The following BBX variants were observed in gnomAD, a reference collection of about 807,000 sequenced individuals.
BBX encodes the protein BBX high mobility group box domain containing.
A neutral mutation model predicts 100.2 loss-of-function variants in BBX; 30 were observed. That is an observed-to-expected ratio of 0.30 (90% CI 0.22 to 0.41). BBX has a LOEUF of 0.41. Among genes scored for constraint, BBX ranks in the 10% least tolerant of loss-of-function variants. The pLI, the probability that BBX is intolerant of heterozygous loss-of-function variation, is 1.00. For synonymous variants in BBX, 376 were observed against 388.1 expected (o/e 0.97, Z 0.37); for missense variants, 1,023 against 1,129.8 (o/e 0.91, Z 1.35).
intron 2 of BBX, among the ~76,000 whole-genome samples, chr3:107,542,892 C>T (rs1479585367): frequency 6.6e-6 from 1 of 152,156 alleles, no homozygotes; most frequent in Non-Finnish European, 1.5e-5. Context: ...TTTCTTATGC[C>T]TATGGCAATA....
intron 2 of BBX, among the ~76,000 whole-genome samples, chr3:107,595,234 C>G (rs1438198160): frequency 6.6e-6 from 1 of 152,142 alleles, no homozygotes; most frequent in African/African-American, 2.4e-5. Flanking sequence ...AATCAGTAAC[C>G]TGGGAATAAT....
intron 16 of BBX, among the ~76,000 whole-genome samples, chr3:107,799,829 A>T (rs2070227045): frequency 6.6e-6 from 1 of 152,140 alleles, no homozygotes; most frequent in Non-Finnish European, 1.5e-5. Flanking sequence ...GAATGACCGG[A>T]GGAGCCCAAG....
intron 2 of BBX, among the ~76,000 whole-genome samples, chr3:107,544,725 A>G (rs1559794310): frequency 2.0e-5 from 3 of 150,558 alleles, no homozygotes; most frequent in African/African-American, 7.3e-5. Context: ...AAAAAATTTG[A>G]CTGGGCATGG....
chr3:107,776,715 A>G (rs1390047958), intron 12 of BBX, among the ~76,000 whole-genome samples: 2 of 152,162 alleles, frequency 1.3e-5, no homozygotes, highest in African/African-American at 4.8e-5. Context: ...AACATAAATG[A>G]TTATTATTGT....
chr3:107,703,678 A>T (rs192651832), intron 3 of BBX, among the ~76,000 whole-genome samples: 1 of 152,282 alleles, frequency 6.6e-6, no homozygotes, highest in East Asian at 1.9e-4. Flanking sequence ...TTTTTGCATG[A>T]CTAGTGAGTG....
At chr3:107,574,025 A>G (rs1386512555) in intron 2 of BBX, among the ~76,000 whole-genome samples, 1 of 152,210 alleles carries the variant, frequency 6.6e-6, no homozygotes, top group South Asian at 2.1e-4. Context: ...ACTCCCAGCA[A>G]ATCTTTTTCT....
chr3:107,616,005 CTTTTTTTTTTTTTTTTTTTTTTTT>C (rs59614452), intron 2 of BBX, among the ~76,000 whole-genome samples: 3 of 19,248 alleles, frequency 1.6e-4, no homozygotes, highest in African/African-American at 2.5e-4. Context: ...TACTCACCTG[CTTTTTTTTTTTTTTTTTTTTTTTT>C]TTTTTTTTTT....
intron 2 of BBX, among the ~76,000 whole-genome samples, chr3:107,553,141 A>G (rs1391584769): frequency 6.6e-6 from 1 of 152,226 alleles, no homozygotes; most frequent in East Asian, 1.9e-4. Flanking sequence ...TCCCATTAAA[A>G]TGAGTGTTGA....
chr3:107,687,429 G>C lies in BBX; in HGVS notation c.-9-23023G>C, dbSNP rs574405018. On this transcript the variant is annotated intron_variant, in intron 3 of 17. Transcript: ENST00000325805. The stretch of plus-strand genomic sequence containing the variant: ...TTTCTTGTAGAGAATGGAGAGGGGG[G>C]AATGGAGAACTTATAGACAGAGAAG... Among the ~76,000 whole-genome samples, 27 of 152,014 alleles carry C rather than the reference G, an allele frequency of 1.8e-4. 1 individual carries two copies. The South Asian group carries it at 5.6e-3, about 32-fold the overall frequency.
chr3:107,633,639 G>A (rs185677913), intron 2 of BBX, among the ~76,000 whole-genome samples: 1 of 152,270 alleles, frequency 6.6e-6, no homozygotes, highest in African/African-American at 2.4e-5. Context: ...AGGCCTCAGT[G>A]CCCTGCACAA....
At chr3:107,703,874 A>G (rs891654108) in intron 3 of BBX, among the ~76,000 whole-genome samples, 8 of 152,280 alleles carry the variant, frequency 5.3e-5, no homozygotes, top group African/African-American at 1.2e-4. Flanking sequence ...AGAGATGTGT[A>G]TTTGCTTTTC....
intron 9 of BBX, among the ~76,000 whole-genome samples, chr3:107,753,497 A>AC (rs2065234209): frequency 6.6e-6 from 1 of 152,178 alleles, no homozygotes; most frequent in African/African-American, 2.4e-5. Flanking sequence ...CCCAGAGGCA[A>AC]TAAGGAAAAC....
intron 5 of BBX, among the ~76,000 whole-genome samples, chr3:107,720,610 T>G (rs1333896294): frequency 1.3e-5 from 2 of 151,928 alleles, no homozygotes; most frequent in African/African-American, 4.8e-5. Flanking sequence ...ACTTAAAAGT[T>G]TGGAGGTTCA....
At chr3:107,627,510 TGGAA>T (rs1006911603) in intron 2 of BBX, among the ~76,000 whole-genome samples, 1 of 152,222 alleles carries the variant, frequency 6.6e-6, no homozygotes, top group African/African-American at 2.4e-5. Context: ...TGATAAGTGC[TGGAA>T]GCTACAATTT....
At chr3:107,688,491 G>A (rs2059974604) in intron 3 of BBX, among the ~76,000 whole-genome samples, 2 of 152,176 alleles carry the variant, frequency 1.3e-5, no homozygotes, top group Non-Finnish European at 2.9e-5. Context: ...TAGTTAAGGG[G>A]TTAATAATGG....
chr3:107,726,106 T>C (rs1372525625), intron 5 of BBX, among the ~76,000 whole-genome samples: 1 of 151,976 alleles, frequency 6.6e-6, no homozygotes, highest in East Asian at 1.9e-4. Context: ...TGCTAATAAG[T>C]TCACTCAGCT....
At chr3:107,792,401 C>T (rs1394339264) in intron 15 of BBX, among the ~76,000 whole-genome samples, 1 of 152,060 alleles carries the variant, frequency 6.6e-6, no homozygotes, top group Non-Finnish European at 1.5e-5. Flanking sequence ...CATTCCTTTA[C>T]TGAAAATGAG....
chr3:107,747,327 C>G lies in BBX; in HGVS notation c.751-638C>G, dbSNP rs145393142. Among the ~76,000 whole-genome samples the G allele has an allele frequency of 7.2e-4, 110 of 152,252 alleles. 1 individual carries two copies. Among genetic ancestry groups the G allele is most frequent in the Middle Eastern group, 3.4e-3 (1 of 294 alleles). Reference sequence around the variant, plus strand: ...TATTTAGTAAACAATTTATTGAGTTCTGGTGCCATGCTAGGTAACATCTTT... The same window carrying G: ...TATTTAGTAAACAATTTATTGAGTTGTGGTGCCATGCTAGGTAACATCTTT... On this transcript the variant is annotated intron_variant, in intron 8 of 17. Transcript: ENST00000325805.
At chr3:107,548,534 C>T (rs1478721453) in intron 2 of BBX, among the ~76,000 whole-genome samples, 4 of 152,096 alleles carry the variant, frequency 2.6e-5, no homozygotes, top group Non-Finnish European at 5.9e-5. Flanking sequence ...CATTTAAAGA[C>T]AAAGCAGAAT....
Sources: allele counts gnomAD v4.1 joint callset (sites outside exome capture counted in the v4.1 genomes callset), GRCh38; gene constraint gnomAD v4.1.1; transcripts MANE v1.5; gene names NCBI Gene and HGNC (gene_info 2026-07-23, HGNC 2026-07-21).